P2RX3: variants seen among roughly 807,000 people sequenced by gnomAD.
P2RX3 encodes purinergic receptor P2X 3, also known as P2X purinoceptor 3.
P2RX3 carries 41 observed loss-of-function variants against 51.5 expected under a neutral mutation model. The ratio of observed to expected loss-of-function variants is 0.80; its 90% CI spans 0.62 to 1.03. The LOEUF (loss-of-function observed/expected upper bound fraction) is 1.03, where lower values mean the gene tolerates loss of function less well. Among genes scored for constraint, P2RX3 ranks in the 50% least tolerant of loss-of-function variants. The probability of loss-of-function intolerance (pLI) is 0.00; values close to 1 mark genes in which losing one functional copy is unlikely to be tolerated. For missense variants in P2RX3, 459 were observed against 522.1 expected (o/e 0.88, Z 1.18); for synonymous variants, 185 against 191.6 (o/e 0.97, Z 0.29).
At chr11:57,365,934 C>T (rs902162090) in intron 8 of P2RX3, among the ~76,000 whole-genome samples, 8 of 152,220 alleles carry the variant, frequency 5.3e-5, no homozygotes, top group Non-Finnish European at 8.8e-5. Context: ...AGGAGCATCA[C>T]GTCAATCACT....
upstream of P2RX3, among the ~76,000 whole-genome samples, chr11:57,337,893 C>T (rs768413525): frequency 1.3e-4 from 20 of 152,228 alleles, no homozygotes; most frequent in African/African-American, 3.9e-4. Flanking sequence ...ACAGGTAGAG[C>T]GAAGCTCATT....
intron 2 of P2RX3, 89 bp from the exon 3 acceptor site, chr11:57,347,027 C>A: frequency 7.5e-7 from 1 of 1,341,664 alleles, no homozygotes; most frequent in Non-Finnish European, 1.1e-6. Flanking sequence ...TTGCTTTCCT[C>A]ATCTGTAGAG....
intron 11 of P2RX3, 98 bp downstream of exon 11, chr11:57,369,536 G>A (rs1399629783): frequency 1.7e-6 from 2 of 1,161,208 alleles, no homozygotes; most frequent in Non-Finnish European, 1.2e-6. Flanking sequence ...GCCTTCTGAA[G>A]GGGGGTTCAC....
At chr11:57,357,271 G>A (rs1204807497) in intron 8 of P2RX3, among the ~76,000 whole-genome samples, 1 of 152,184 alleles carries the variant, frequency 6.6e-6, no homozygotes, top group African/African-American at 2.4e-5. Context: ...AGTGAGCTGA[G>A]ATCTCACCAC....
intron 1 of P2RX3, among the ~76,000 whole-genome samples, chr11:57,344,493 G>C (rs1043181050): frequency 6.6e-6 from 1 of 152,158 alleles, no homozygotes; most frequent in African/African-American, 2.4e-5. Flanking sequence ...GAGGCCAGGA[G>C]TTTGAGACCA....
chr11:57,369,530 T>A, intron 11 of P2RX3, 92 bp downstream of exon 11: 1 of 1,215,892 alleles, frequency 8.2e-7, no homozygotes, highest in Non-Finnish European at 1.2e-6. Flanking sequence ...TCTGAGGCCT[T>A]CTGAAGGGGG....
chr11:57,363,846 G>A (rs530263713), intron 8 of P2RX3, among the ~76,000 whole-genome samples: 2 of 152,238 alleles, frequency 1.3e-5, no homozygotes, highest in African/African-American at 2.4e-5. Context: ...CCCTCCACCC[G>A]GGAAGAGAAC....
At chr11:57,347,648 C>A (rs894671076) in intron 4 of P2RX3, among the ~76,000 whole-genome samples, 170 bp downstream of exon 4, 1 of 152,184 alleles carries the variant, frequency 6.6e-6, no homozygotes, top group Non-Finnish European at 1.5e-5. Flanking sequence ...GGTGGCATGG[C>A]CCCTGCCCCC....
chr11:57,363,620 G>C (rs1856753371), intron 8 of P2RX3, among the ~76,000 whole-genome samples: 1 of 152,178 alleles, frequency 6.6e-6, no homozygotes, highest in Non-Finnish European at 1.5e-5. Flanking sequence ...ACTAGTCATG[G>C]GGCCCCAGCT....
In P2RX3 at chr11:57,368,334, GGCCCTCTGCCCACTTGCCTT is replaced by G; in HGVS notation, c.937-36_937-17del. 1 of 1,611,800 alleles carries G rather than the reference GGCCCTCTGCCCACTTGCCTT, an allele frequency of 6.2e-7. No individual in the cohort carries two copies. The highest frequency in any genetic ancestry group is 8.5e-7 in the Non-Finnish European group (1 of 1,178,096). ...CCTCGGGCCTCACCCCCATCCCATG[GGCCCTCTGCCCACTTGCCTT>G]GGTCTTTGTGCACACAGGCTGGCAA... On this transcript the variant is annotated intron_variant, in intron 9 of 11. Coordinates refer to ENST00000263314, the MANE Select transcript of P2RX3 (RefSeq NM_002559.5).
intron 8 of P2RX3, among the ~76,000 whole-genome samples, chr11:57,367,719 T>G (rs1039952425): frequency 1.2e-4 from 18 of 152,006 alleles, no homozygotes; most frequent in African/African-American, 4.3e-4. Flanking sequence ...AGACTCTGTC[T>G]CAAAAATATA....
intron 4 of P2RX3, 81 bp from the exon 5 acceptor site, chr11:57,348,089 G>C (rs1156852610): frequency 4.0e-6 from 5 of 1,260,620 alleles, no homozygotes; most frequent in African/African-American, 3.0e-5. Context: ...GGTCCCTGAT[G>C]GGGGGAAGGG....
chr11:57,350,992 C>G (rs1036609769), intron 8 of P2RX3, 94 bp downstream of exon 8: 196 of 1,540,152 alleles, frequency 1.3e-4, no homozygotes, highest in Non-Finnish European at 1.4e-4. Flanking sequence ...TCCATCCACC[C>G]ACCCCTGGCC....
chr11:57,356,468 C>A (rs139264883), intron 8 of P2RX3, among the ~76,000 whole-genome samples: 1 of 152,048 alleles, frequency 6.6e-6, no homozygotes, highest in Non-Finnish European at 1.5e-5. Flanking sequence ...GTGTCTGGGA[C>A]AAAAAAACAT....
intron 8 of P2RX3, among the ~76,000 whole-genome samples, chr11:57,359,993 G>T (rs1856689348): frequency 6.6e-6 from 1 of 152,218 alleles, no homozygotes; most frequent in African/African-American, 2.4e-5. Flanking sequence ...TGGAAAAACA[G>T]ACTCAGAGAG....
chr11:57,350,650 C>T (rs890694202), intron 7 of P2RX3, 112 bp from the exon 8 acceptor site: 33 of 1,416,928 alleles, frequency 2.3e-5, no homozygotes, highest in Non-Finnish European at 2.6e-5. Context: ...CCGTCTCCCA[C>T]CTGGAGGATG....
In P2RX3 at chr11:57,338,623, A is replaced by G; in HGVS notation, c.73A>G (p.Ile25Val). The change falls in exon 1 of 12, where the codon ATC becomes GTC. Residue 25 changes from isoleucine to valine, a missense_variant. Ile to Val is a conservative substitution (Grantham distance 29). Transcript: ENST00000263314. ...SVVVKSWTIG[I>V]INRVVQLLII... is the part of the protein sequence containing the mutation. ...GGTTGTGAAGAGCTGGACCATCGGGATCATCAACCGAGTAGTTCAGCTTCT... is the reference window on the plus strand; with the variant it reads ...GGTTGTGAAGAGCTGGACCATCGGGGTCATCAACCGAGTAGTTCAGCTTCT... 6.3e-7 allele frequency: 1 copy of G among 1,597,024 alleles called. No individual in the cohort carries two copies. Among genetic ancestry groups the G allele is most frequent in the Non-Finnish European group, 8.6e-7 (1 of 1,166,046 alleles).
chr11:57,353,838 C>A (rs77743058), intron 8 of P2RX3, among the ~76,000 whole-genome samples: 2 of 3,098 alleles, frequency 6.5e-4, no homozygotes, highest in African/African-American at 7.2e-4. Context: ...AAATGTCACT[C>A]CCCCCCCCCC....
At chr11:57,366,465 CAA>C (rs529656954) in intron 8 of P2RX3, among the ~76,000 whole-genome samples, 94 of 152,182 alleles carry the variant, frequency 6.2e-4, no homozygotes, top group African/African-American at 2.2e-3. Flanking sequence ...GTGCAGGGGT[CAA>C]AATCTTGGAC....
Sources: gnomAD v4.1 joint callset for allele counts (sites outside exome capture counted in the v4.1 genomes callset) on GRCh38, gnomAD v4.1.1 for gene constraint, MANE v1.5 for transcripts, NCBI Gene and HGNC (gene_info 2026-07-23, HGNC 2026-07-21) for gene names.